Variants in SDK1 observed in about 807,000 individuals in gnomAD.
SDK1 encodes sidekick cell adhesion molecule 1, also known as protein sidekick-1.
SDK1 carries 157 observed loss-of-function variants against 245.5 expected under a neutral mutation model. The ratio of observed to expected loss-of-function variants is 0.64; its 90% CI spans 0.56 to 0.73. SDK1 has a LOEUF of 0.73. Ranked by LOEUF, SDK1 falls within the 30% of genes least tolerant of loss-of-function variation. SDK1 has a pLI of 0.00. For synonymous variants in SDK1, 1,647 were observed against 1,278.5 expected (o/e 1.29, Z -6.15); for missense variants, 3,583 against 3,002.3 (o/e 1.19, Z -4.52).
At position 4,268,146 on chromosome 7, in the gene SDK1, C is replaced by T; in HGVS notation, c.*2762C>T. 6.1e-6 allele frequency: 6 copies of T among 986,626 alleles called. No homozygotes were observed. The highest frequency in any genetic ancestry group is 4.8e-6 in the Non-Finnish European group (4 of 830,682). 61.1% of individuals were successfully genotyped at this position (986,626 alleles called of 1,614,324 possible). A position where few individuals can be genotyped will look rare whatever the true frequency, so the allele number is the denominator to read the frequency against. On this transcript the variant is annotated 3_prime_UTR_variant, in exon 45 of 45. Transcript: ENST00000404826. ...TGCTGAAAGTCATGCCTTGCGGATG[C>T]CTCATGACAGCAGTGGCTGAGTCTC...
intron 1 of SDK1, among the ~76,000 whole-genome samples, chr7:3,453,381 A>G (rs1780579099): frequency 6.6e-6 from 1 of 152,234 alleles, no homozygotes; most frequent in Non-Finnish European, 1.5e-5. Context: ...AAATCCCTGG[A>G]ACCTGTGAAT....
At chr7:3,352,773 TTTCTC>T (rs998077700) in intron 1 of SDK1, among the ~76,000 whole-genome samples, 3 of 152,304 alleles carry the variant, frequency 2.0e-5, no homozygotes, top group African/African-American at 4.8e-5. Context: ...ACCCTTTTTT[TTTCTC>T]TTCTCTTTTC....
chr7:4,038,403 TA>T (rs1253162399), intron 17 of SDK1, among the ~76,000 whole-genome samples: 2 of 152,028 alleles, frequency 1.3e-5, no homozygotes, highest in Non-Finnish European at 2.9e-5. Context: ...GTACCTTAAA[TA>T]GTGTTCAAAG....
At chr7:4,213,313 T>A (rs1392080163) in intron 38 of SDK1, among the ~76,000 whole-genome samples, 2 of 151,668 alleles carry the variant, frequency 1.3e-5, no homozygotes, top group Admixed American at 6.6e-5. Flanking sequence ...CTCCAGAGGC[T>A]GAGGCAGAAA....
At chr7:4,011,575 C>T (rs1785969542) in intron 15 of SDK1, among the ~76,000 whole-genome samples, 2 of 152,370 alleles carry the variant, frequency 1.3e-5, no homozygotes, top group South Asian at 2.1e-4. Flanking sequence ...GCGAGGGCCA[C>T]CTCTGAAAAA....
chr7:3,412,265 G>C (rs573442766), intron 1 of SDK1, among the ~76,000 whole-genome samples: 1 of 152,256 alleles, frequency 6.6e-6, no homozygotes, highest in African/African-American at 2.4e-5. Context: ...CTATTCCCCA[G>C]AGTCACTGTG....
chr7:3,875,023 G>A (rs997084209), intron 5 of SDK1, among the ~76,000 whole-genome samples: 1 of 152,112 alleles, frequency 6.6e-6, no homozygotes, highest in African/African-American at 2.4e-5. Context: ...TTATGTCCTG[G>A]TCTGTGGGGC....
intron 4 of SDK1, among the ~76,000 whole-genome samples, chr7:3,809,230 C>T (rs1779325741): frequency 6.6e-6 from 1 of 152,036 alleles, no homozygotes; most frequent in African/African-American, 2.4e-5. Flanking sequence ...AGGTGCCACA[C>T]ACTTTTAAAC....
intron 7 of SDK1, among the ~76,000 whole-genome samples, chr7:3,955,334 A>G (rs191407332): frequency 2.2e-4 from 33 of 152,274 alleles, no homozygotes; most frequent in East Asian, 1.4e-3. Flanking sequence ...CTTGTCACAC[A>G]TGGAAGCTCT....
rs376760356 is a variant in SDK1 at position 3,808,187 on chromosome 7, C to T, written c.714-13263C>T. Among the ~76,000 whole-genome samples the T allele has an allele frequency of 1.3e-3, 195 of 152,286 alleles. 1 individual carries two copies. The highest frequency in any genetic ancestry group is 4.4e-3 in the African/African-American group (181 of 41,544). ...TGCAGAGCACACAGCAGTTGCCAGG[C>T]CCGTGGAACGTGCCCTCCTCATCAT... is the stretch of plus-strand genomic sequence containing the variant. On this transcript the variant is annotated intron_variant, in intron 4 of 44. Coordinates refer to ENST00000404826, the MANE Select transcript of SDK1 (RefSeq NM_152744.4).
intron 4 of SDK1, among the ~76,000 whole-genome samples, chr7:3,759,668 T>C (rs990927269): frequency 6.6e-6 from 1 of 151,810 alleles, no homozygotes; most frequent in Non-Finnish European, 1.5e-5. Flanking sequence ...CTTAGCTCAT[T>C]GCAACCTCCA....
intron 1 of SDK1, among the ~76,000 whole-genome samples, chr7:3,574,777 G>A (rs1780232192): frequency 6.6e-6 from 1 of 152,064 alleles, no homozygotes; most frequent in Non-Finnish European, 1.5e-5. Flanking sequence ...ACTACTCAAA[G>A]GCAGAAATAA....
chr7:3,388,926 A>G (rs1781676535), intron 1 of SDK1, among the ~76,000 whole-genome samples: 1 of 152,194 alleles, frequency 6.6e-6, no homozygotes, highest in South Asian at 2.1e-4. Flanking sequence ...CAACAAGTAA[A>G]CAAATGAGAG....
chr7:3,756,096 A>G (rs1779920831), intron 4 of SDK1, among the ~76,000 whole-genome samples: 1 of 149,808 alleles, frequency 6.7e-6, no homozygotes, highest in Non-Finnish European at 1.5e-5. Context: ...AGCACATGTG[A>G]CACATGCATA....
At chr7:3,902,247 T>C (rs1781815926) in intron 5 of SDK1, among the ~76,000 whole-genome samples, 1 of 152,232 alleles carries the variant, frequency 6.6e-6, no homozygotes, top group Non-Finnish European at 1.5e-5. Flanking sequence ...CTGACATCTC[T>C]AATTCCAGTT....
At chr7:3,523,613 C>T (rs567763454) in intron 1 of SDK1, among the ~76,000 whole-genome samples, 3 of 152,254 alleles carry the variant, frequency 2.0e-5, no homozygotes, top group East Asian at 3.9e-4. Context: ...ATGTGCGCTG[C>T]TTTCCAAGCA....
intron 22 of SDK1, among the ~76,000 whole-genome samples, chr7:4,080,711 G>T (rs527994226): frequency 6.6e-6 from 1 of 152,118 alleles, no homozygotes; most frequent in African/African-American, 2.4e-5. Flanking sequence ...CTGTTGTGGC[G>T]TTGAGGGGGT....
At chr7:3,546,207 A>G (rs1017567332) in intron 1 of SDK1, among the ~76,000 whole-genome samples, 4 of 152,130 alleles carry the variant, frequency 2.6e-5, no homozygotes, top group African/African-American at 2.4e-5. Context: ...TTCCCTGAGG[A>G]TGATGACACC....
chr7:4,133,153 G>A (rs1000570806), intron 28 of SDK1, among the ~76,000 whole-genome samples: 4 of 152,308 alleles, frequency 2.6e-5, no homozygotes, highest in African/African-American at 9.6e-5. Context: ...GTAAGAAGCC[G>A]CTGAGATGAA....
Sources: allele counts gnomAD v4.1 joint callset (sites outside exome capture counted in the v4.1 genomes callset), GRCh38; gene constraint gnomAD v4.1.1; transcripts MANE v1.5; gene names NCBI Gene and HGNC (gene_info 2026-07-23, HGNC 2026-07-21).